The following INAVA variants were observed in gnomAD, a reference collection of about 807,000 sequenced individuals.
INAVA encodes the protein innate immunity activator, also known as innate immunity activator protein.
A neutral mutation model predicts 55.3 loss-of-function variants in INAVA; 32 were observed. The observed-to-expected ratio is 0.58, with a 90% CI of 0.44 to 0.78. The LOEUF (loss-of-function observed/expected upper bound fraction) is 0.78, where lower values mean the gene tolerates loss of function less well. INAVA is among the 30% of genes least tolerant of loss of function. The pLI is 0.00. For missense variants in INAVA, 756 were observed against 786.4 expected (o/e 0.96, Z 0.46); for synonymous variants, 294 against 329.4 (o/e 0.89, Z 1.16).
At chr1:200,904,296 C>T (rs1653397929) in intron 5 of INAVA, among the ~76,000 whole-genome samples, 1 of 152,152 alleles carries the variant, frequency 6.6e-6, no homozygotes, top group Non-Finnish European at 1.5e-5. Context: ...ACCAAATTGT[C>T]CAAGCTAGTC....
In INAVA at chr1:200,899,357, A is replaced by ATGTG. The variant is rs138282802; in HGVS notation, c.56-103_56-100dup. 8 of 1,326,674 alleles carry ATGTG rather than the reference A, an allele frequency of 6.0e-6. No individual in the cohort carries two copies. In the African/African-American group the frequency reaches 7.6e-5, roughly 13 times the overall value. 82.2% of individuals were successfully genotyped at this position (1,326,674 alleles called of 1,614,324 possible). A position where few individuals can be genotyped will look rare whatever the true frequency, so the allele number is the denominator to read the frequency against. On this transcript the variant is annotated intron_variant, in intron 2 of 9. Transcript: ENST00000413687. The stretch of plus-strand genomic sequence containing the variant: ...CCTGCAATTTGTGGGCAGGCATGAG[A>ATGTG]TGTGTGTGTGTGTGTGCATGTGTGT...
Position 200,914,138 on chromosome 1 carries a change from C to A in INAVA, c.*509C>A. 6.3e-6 allele frequency: 1 copy of A among 157,900 alleles called. No homozygotes were observed. Among genetic ancestry groups the A allele is most frequent in the Non-Finnish European group, 1.4e-5 (1 of 71,286 alleles). 9.8% of individuals were successfully genotyped at this position (157,900 alleles called of 1,614,324 possible). A position where few individuals can be genotyped will look rare whatever the true frequency, so the allele number is the denominator to read the frequency against. ...AGCCTGGGCTGGGGGAGAATCTCTT[C>A]CCCCTTTTCTAATGTGCTCTGTGAT... is the stretch of plus-strand genomic sequence containing the variant. On this transcript the variant is annotated 3_prime_UTR_variant, in exon 10 of 10. Coordinates refer to ENST00000413687, the MANE Select transcript of INAVA (RefSeq NM_001142569.3).
At chr1:200,897,055 C>T (rs925911426) in intron 1 of INAVA, among the ~76,000 whole-genome samples, 2 of 152,198 alleles carry the variant, frequency 1.3e-5, no homozygotes. Context: ...CCAGCTGGGA[C>T]CCCAACCAGG....
At position 200,911,473 on chromosome 1, in the gene INAVA, G is replaced by A. The variant is rs376277730; in HGVS notation, c.980G>A (p.Gly327Asp). ...TTCAGGGTGGATTCCTTCCGGGCGGGTCCTGAGGGCCGAGGTCGCAGCGCC... is the reference window on the plus strand; with the variant it reads ...TTCAGGGTGGATTCCTTCCGGGCGGATCCTGAGGGCCGAGGTCGCAGCGCC... Reference protein sequence around the residue: ...QSLRVDSFRAGPEGRGRSAFP... With the variant: ...QSLRVDSFRADPEGRGRSAFP... The change falls in exon 9 of 10, where the codon GGT becomes GAT. Residue 327 changes from glycine to aspartate, a missense_variant. This residue lies in a region of INAVA where 639 missense variants were observed against 624.3 expected (regional missense o/e 1.02). Coordinates refer to ENST00000413687, the MANE Select transcript of INAVA (RefSeq NM_001142569.3). 30 of 1,612,916 alleles carry A rather than the reference G, an allele frequency of 1.9e-5. No homozygotes were observed. Among genetic ancestry groups the A allele is most frequent in the East Asian group, 1.3e-4 (6 of 44,868 alleles).
At position 200,901,269 on chromosome 1, in the gene INAVA, C is replaced by T. The variant is rs183454944; in HGVS notation, c.520+110C>T. On this transcript the variant is annotated intron_variant, in intron 5 of 9. Transcript: ENST00000413687. ...TGCATTTGGCTCCAGCTGGGTAAAG[C>T]TGATTCTTGGGTTCAGCTCCACCCC... 4.9e-5 allele frequency: 55 copies of T among 1,122,346 alleles called. 1 individual carries two copies. The East Asian group carries it at 7.9e-4, about 16-fold the overall frequency. The allele number at this position is 1,122,346 out of a possible 1,614,324, so 69.5% of individuals were successfully genotyped here. A position where few individuals can be genotyped will look rare whatever the true frequency, so the allele number is the denominator to read the frequency against.
At chr1:200,894,890 C>T (rs543400326), upstream of INAVA, 2 of 985,758 alleles carry the variant, frequency 2.0e-6, no homozygotes, top group African/African-American at 3.5e-5. Context: ...TAACCTGGTT[C>T]CCCTGGCCCG....
Position 200,911,791 on chromosome 1 carries a change from C to T in INAVA, c.1298C>T (p.Pro433Leu), listed in dbSNP as rs1557970757. Reference protein sequence around the residue: ...PKLLLPPGYFPAGRYVVVAES... With the variant: ...PKLLLPPGYFLAGRYVVVAES... Reference sequence around the variant, plus strand: ...CTACTGCTGCCGCCTGGCTATTTCCCGGCGGGGCGGTACGTGGTGGTGGCT... The same window carrying T: ...CTACTGCTGCCGCCTGGCTATTTCCTGGCGGGGCGGTACGTGGTGGTGGCT... The change falls in exon 9 of 10, where the codon CCG becomes CTG. Residue 433 changes from proline (P) to leucine (L), a missense_variant. By Grantham distance (98) the Pro-to-Leu change is moderately conservative (BLOSUM62 -3). This residue lies in a region of INAVA where 639 missense variants were observed against 624.3 expected (regional missense o/e 1.02). Transcript: ENST00000413687. The T allele has an allele frequency of 9.3e-6, 15 of 1,609,276 alleles. No individual in the cohort carries two copies. The highest frequency in any genetic ancestry group is 4.0e-5 in the African/African-American group (3 of 74,970).
At chr1:200,897,940 T>G (rs923152430) in intron 1 of INAVA, among the ~76,000 whole-genome samples, 1 of 152,206 alleles carries the variant, frequency 6.6e-6, no homozygotes, top group Non-Finnish European at 1.5e-5. Context: ...CCTTTCTTTG[T>G]TATCCCATCC....
chr1:200,908,649 C>A, intron 6 of INAVA, 81 bp from the exon 7 acceptor site: 1 of 1,218,882 alleles, frequency 8.2e-7, no homozygotes, highest in Non-Finnish European at 1.1e-6. Flanking sequence ...AGCGGCGAGG[C>A]ATGGGCTGTG....
chr1:200,899,655 C>T (rs1450862809), intron 3 of INAVA, 58 bp downstream of exon 3: 16 of 1,590,278 alleles, frequency 1.0e-5, no homozygotes, highest in Middle Eastern at 2.2e-4. Flanking sequence ...TGTGGAGCCA[C>T]GTGTGGGGAT....
chr1:200,906,689 G>A (rs192734111), intron 5 of INAVA, among the ~76,000 whole-genome samples: 31 of 152,256 alleles, frequency 2.0e-4, no homozygotes, highest in Non-Finnish European at 3.4e-4. Flanking sequence ...CTTCCCTGGG[G>A]CCAGCTGGCC....
At chr1:200,894,158 C>T (rs192996327), upstream of INAVA, among the ~76,000 whole-genome samples, 71 of 152,126 alleles carry the variant, frequency 4.7e-4, no homozygotes, top group Non-Finnish European at 8.1e-4. Context: ...TGGCTCCTTG[C>T]ATTTGGGGAG....
At chr1:200,907,934 G>A (rs1558232730) in intron 6 of INAVA, 47 bp downstream of exon 6, 5 of 1,517,136 alleles carry the variant, frequency 3.3e-6, no homozygotes, top group Non-Finnish European at 4.6e-6. Flanking sequence ...GACTCCTACT[G>A]CAAGACCATG....
chr1:200,913,070 G>C (rs1303188811), intron 9 of INAVA, among the ~76,000 whole-genome samples: 1 of 152,222 alleles, frequency 6.6e-6, no homozygotes, highest in Non-Finnish European at 1.5e-5. Context: ...TGAGACCCCA[G>C]ATTCCCAGCA....
chr1:200,894,773 C>T (rs995256010), upstream of INAVA: 24 of 985,348 alleles, frequency 2.4e-5, no homozygotes, highest in Admixed American at 6.1e-5. Context: ...TCCTGCCCCC[C>T]GGAAGTGCAG....
chr1:200,905,233 G>A (rs1400870465), intron 5 of INAVA, among the ~76,000 whole-genome samples: 3 of 152,100 alleles, frequency 2.0e-5, no homozygotes, highest in African/African-American at 4.8e-5. Flanking sequence ...GCCTGCTCTG[G>A]GTAAAGATTT....
chr1:200,893,632 C>G (rs1668278642), upstream of INAVA, among the ~76,000 whole-genome samples: 1 of 152,190 alleles, frequency 6.6e-6, no homozygotes, highest in Non-Finnish European at 1.5e-5. Context: ...CTTAGGGCCC[C>G]TCAGCCTCAG....
Position 200,901,001 on chromosome 1 carries a change from G to A in INAVA, c.362G>A (p.Arg121Gln), listed in dbSNP as rs753171021. Residue 121 changes from arginine (R) to glutamine (Q), a missense_variant, in exon 5 of 10, where the codon CGG becomes CAG. Physicochemically the swap from Arg to Gln is conservative, Grantham distance 43. Coordinates refer to ENST00000413687, the MANE Select transcript of INAVA (RefSeq NM_001142569.3). ...CTGCAGATCACAGAGGCAGCCCGTCGGCTGTGCCTGGAGGAGAACCTCAGC... is the reference window on the plus strand; with the variant it reads ...CTGCAGATCACAGAGGCAGCCCGTCAGCTGTGCCTGGAGGAGAACCTCAGC... ...LQLQITEAAR[R>Q]LCLEENLSRQ... The A allele has an allele frequency of 3.2e-5, 50 of 1,551,996 alleles. No individual in the cohort carries two copies. The highest frequency in any genetic ancestry group is 3.9e-5 in the Admixed American group (2 of 51,230).
intron 1 of INAVA, among the ~76,000 whole-genome samples, chr1:200,895,545 T>G (rs1668328490): frequency 2.0e-5 from 3 of 147,078 alleles, no homozygotes; most frequent in Non-Finnish European, 1.5e-5. Context: ...AGGGAGGGGG[T>G]GGGGATGTTA....
Sources: gnomAD v4.1 joint callset for allele counts (sites outside exome capture counted in the v4.1 genomes callset) on GRCh38, gnomAD v4.1.1 for gene constraint, gnomAD v4.1.1 regional missense constraint, MANE v1.5 for transcripts, NCBI Gene and HGNC (gene_info 2026-07-23, HGNC 2026-07-21) for gene names.